CHODL: variants seen among roughly 807,000 people sequenced by gnomAD.
CHODL encodes the protein transmembrane protein MT75.
Under a neutral mutation model 34.5 loss-of-function variants are expected in CHODL, and 29 were observed. That is an observed-to-expected ratio of 0.84 (90% confidence interval 0.63 to 1.15). The LOEUF (loss-of-function observed/expected upper bound fraction) is 1.15, where lower values mean the gene tolerates loss of function less well. CHODL is among the 50% of genes most tolerant of loss of function. The probability of loss-of-function intolerance (pLI) is 0.00; values close to 1 mark genes in which losing one functional copy is unlikely to be tolerated. For missense variants in CHODL, 332 were observed against 332.5 expected, an observed-to-expected ratio of 1.00 and a Z score of 0.01; for synonymous variants, 125 against 116.1, an observed-to-expected ratio of 1.08 and a Z score of -0.49.
intron 2 of CHODL, among the ~76,000 whole-genome samples, chr21:18,166,580 G>A (rs1227753496): frequency 1.3e-5 from 2 of 152,028 alleles, no homozygotes; most frequent in Non-Finnish European, 2.9e-5. Flanking sequence ...ATGCTAATTC[G>A]GGGTTTGAGA....
chr21:17,938,113 T>C (rs1193690449), intron 1 of CHODL, among the ~76,000 whole-genome samples: 1 of 152,238 alleles, frequency 6.6e-6, no homozygotes, highest in Non-Finnish European at 1.5e-5. Context: ...TAATACGTAG[T>C]TCCCCACTGC....
At chr21:18,160,768 A>G (rs2073086620) in intron 2 of CHODL, among the ~76,000 whole-genome samples, 2 of 152,000 alleles carry the variant, frequency 1.3e-5, no homozygotes, top group African/African-American at 2.4e-5. Context: ...TGTCTTTCCT[A>G]TTGTGGATAG....
At chr21:18,032,573 C>A (rs1425957404) in intron 2 of CHODL, among the ~76,000 whole-genome samples, 1 of 152,038 alleles carries the variant, frequency 6.6e-6, no homozygotes, top group Non-Finnish European at 1.5e-5. Context: ...TAGATGACTT[C>A]AGGAAAATGA....
chr21:18,071,759 C>A (rs1456130433), intron 2 of CHODL, among the ~76,000 whole-genome samples: 1 of 152,020 alleles, frequency 6.6e-6, no homozygotes, highest in African/African-American at 2.4e-5. Context: ...ATTTCTATTT[C>A]ATTCTATTTC....
At chr21:17,980,221 T>C (rs376040121) in intron 1 of CHODL, among the ~76,000 whole-genome samples, 1 of 152,102 alleles carries the variant, frequency 6.6e-6, no homozygotes, top group Non-Finnish European at 1.5e-5. Flanking sequence ...CCTAAGCATG[T>C]CCTCAGAGCT....
At chr21:18,244,590 G>A (rs1198591289), upstream of CHODL, among the ~76,000 whole-genome samples, 3 of 152,308 alleles carry the variant, frequency 2.0e-5, no homozygotes, top group African/African-American at 7.2e-5. Flanking sequence ...TAATAGCAAA[G>A]CTGTCACATT....
At chr21:18,034,901 G>A (rs1293541263) in intron 2 of CHODL, among the ~76,000 whole-genome samples, 1 of 151,968 alleles carries the variant, frequency 6.6e-6, no homozygotes, top group Non-Finnish European at 1.5e-5. Flanking sequence ...TGTTAAGGGA[G>A]TTCAGAGAGA....
chr21:17,998,778 T>C (rs1424042296), intron 1 of CHODL, among the ~76,000 whole-genome samples: 1 of 152,208 alleles, frequency 6.6e-6, no homozygotes, highest in African/African-American at 2.4e-5. Context: ...GCATACAGCT[T>C]GGGGACCCCG....
At chr21:18,263,864 T>A (rs1346322283) in intron 5 of CHODL, among the ~76,000 whole-genome samples, 1 of 151,572 alleles carries the variant, frequency 6.6e-6, no homozygotes, top group East Asian at 1.9e-4. Context: ...AATTCTGAAA[T>A]GAAATACTAA....
intron 1 of CHODL, among the ~76,000 whole-genome samples, chr21:17,977,929 A>AAAAAAAAAAG (rs1217900881): frequency 9.3e-5 from 14 of 150,360 alleles, no homozygotes; most frequent in South Asian, 2.1e-4. Flanking sequence ...AAAAAAAAAA[A>AAAAAAAAAAG]AAAAAGAAAA....
At chr21:17,919,517 T>G (rs59353590) in intron 1 of CHODL, among the ~76,000 whole-genome samples, 3,036 of 152,226 alleles carry the variant, frequency 0.02, 93 homozygotes, top group African/African-American at 0.069. Context: ...ACCAAGTCCC[T>G]AAACTGTACA....
At chr21:18,076,123 A>G (rs2064862924) in intron 2 of CHODL, among the ~76,000 whole-genome samples, 1 of 152,220 alleles carries the variant, frequency 6.6e-6, no homozygotes, top group African/African-American at 2.4e-5. Flanking sequence ...ACTGGTACCA[A>G]GAAGTGGGGG....
chr21:18,244,955 A>C lies in CHODL; in HGVS notation c.-269A>C. 1 of 426,778 alleles carries C rather than the reference A, an allele frequency of 2.3e-6. No homozygotes were observed. The highest frequency in any genetic ancestry group is 4.1e-6 in the Non-Finnish European group (1 of 241,844). The allele number at this position is 426,778 out of a possible 1,614,324, so 26.4% of individuals were successfully genotyped here. On this transcript the variant is annotated 5_prime_UTR_variant, in exon 1 of 6. Coordinates refer to ENST00000299295, the MANE Select transcript of CHODL (RefSeq NM_024944.3). ...GGGGCTTCTGCTTCGCCTCTAGGAC[A>C]TACACGGGACCCCCTAACTTCAGTC...
chr21:18,068,346 G>A (rs899177103), intron 2 of CHODL, among the ~76,000 whole-genome samples: 1 of 151,900 alleles, frequency 6.6e-6, no homozygotes, highest in African/African-American at 2.4e-5. Flanking sequence ...ACAGGCACCC[G>A]CCACTACGCC....
intron 1 of CHODL, among the ~76,000 whole-genome samples, chr21:18,027,172 G>T (rs567482063): frequency 7.9e-5 from 12 of 152,200 alleles, no homozygotes; most frequent in African/African-American, 2.9e-4. Context: ...TACTTGGGAG[G>T]CTGAGGTGGA....
intron 1 of CHODL, among the ~76,000 whole-genome samples, chr21:17,952,863 A>G (rs1204469418): frequency 6.6e-6 from 1 of 152,182 alleles, no homozygotes; most frequent in Non-Finnish European, 1.5e-5. Context: ...AAAACTTACA[A>G]TCATGGCGGA....
At chr21:18,080,165 C>T (rs541911147) in intron 2 of CHODL, among the ~76,000 whole-genome samples, 51 of 152,012 alleles carry the variant, frequency 3.4e-4, no homozygotes, top group African/African-American at 1.2e-3. Context: ...TTCTTTGCTC[C>T]CTTTTTAATT....
intron 1 of CHODL, among the ~76,000 whole-genome samples, chr21:17,982,880 C>A (rs546716597): frequency 6.6e-5 from 10 of 151,194 alleles, no homozygotes; most frequent in Admixed American, 2.6e-4. Flanking sequence ...CCCTCCAACC[C>A]CCCCCAGCTA....
chr21:17,923,934 A>T (rs971648236), intron 1 of CHODL, among the ~76,000 whole-genome samples: 4 of 152,238 alleles, frequency 2.6e-5, no homozygotes, highest in Admixed American at 6.5e-5. Flanking sequence ...AAGTCAAAGA[A>T]GCTGAGAGTC....
Sources: gnomAD v4.1 joint callset for allele counts (sites outside exome capture counted in the v4.1 genomes callset) on GRCh38, gnomAD v4.1.1 for gene constraint, MANE v1.5 for transcripts, NCBI Gene and HGNC (gene_info 2026-07-23, HGNC 2026-07-21) for gene names.